The following CDH13 variants were observed in gnomAD, a reference collection of about 807,000 sequenced individuals.
CDH13 encodes cadherin-13.
In CDH13, 24 loss-of-function variants were observed where a neutral mutation model predicts 63.8. The ratio of observed to expected loss-of-function variants is 0.38; its 90% CI spans 0.27 to 0.53. CDH13 has a LOEUF of 0.53. Ranked by LOEUF, CDH13 falls within the 20% of genes least tolerant of loss-of-function variation. The probability of loss-of-function intolerance (pLI) is 0.85; values close to 1 mark genes in which losing one functional copy is unlikely to be tolerated. For synonymous variants in CDH13, 503 were observed against 355.3 expected, an observed-to-expected ratio of 1.42 and a Z score of -4.67; for missense variants, 1,049 against 903.1, an observed-to-expected ratio of 1.16 and a Z score of -2.07.
At chr16:83,667,511 C>T (rs1914103556) in intron 8 of CDH13, among the ~76,000 whole-genome samples, 1 of 152,158 alleles carries the variant, frequency 6.6e-6, no homozygotes, top group Admixed American at 6.5e-5. Context: ...TTCAGACCTG[C>T]TCATGTGTTG....
chr16:82,959,936 G>A (rs1256627371), intron 2 of CDH13, among the ~76,000 whole-genome samples: 5 of 152,278 alleles, frequency 3.3e-5, no homozygotes, highest in Non-Finnish European at 5.9e-5. Context: ...AAAGTGCAAT[G>A]TCTGGGTTAT....
chr16:83,796,050 T>G lies in CDH13; in HGVS notation c.*1020T>G, dbSNP rs117229797. ...TTGTTTCATATATACAGGCATAAAATAGAGTAAATACAGGTAGTTTTAAAA... is the reference window on the plus strand; with the variant it reads ...TTGTTTCATATATACAGGCATAAAAGAGAGTAAATACAGGTAGTTTTAAAA... On this transcript the variant is annotated 3_prime_UTR_variant, in exon 14 of 14. Transcript: ENST00000567109. 2.0e-5 allele frequency: 3 copies of G among 152,604 alleles called. No individual in the cohort carries two copies. The highest frequency in any genetic ancestry group is 7.2e-5 in the African/African-American group (3 of 41,454). The allele number at this position is 152,604 out of a possible 1,614,324, so 9.5% of individuals were successfully genotyped here. A position where few individuals can be genotyped will look rare whatever the true frequency, so the allele number is the denominator to read the frequency against.
At chr16:82,960,978 T>C (rs968303328) in intron 2 of CDH13, among the ~76,000 whole-genome samples, 10 of 152,334 alleles carry the variant, frequency 6.6e-5, no homozygotes, top group African/African-American at 1.9e-4. Flanking sequence ...ATTGCTGGAA[T>C]GTTCCACATT....
intron 2 of CDH13, among the ~76,000 whole-genome samples, chr16:83,014,639 G>A (rs1250612023): frequency 2.0e-5 from 3 of 149,372 alleles, no homozygotes; most frequent in African/African-American, 7.4e-5. Flanking sequence ...GCTGAGGCAG[G>A]AGAATTGCTT....
chr16:82,674,988 C>T (rs1001472825), intron 1 of CDH13, among the ~76,000 whole-genome samples: 1 of 152,108 alleles, frequency 6.6e-6, no homozygotes, highest in Non-Finnish European at 1.5e-5. Context: ...TCTCTCAAAG[C>T]TTTGAAGCAT....
chr16:83,373,475 G>A (rs1396788578), intron 6 of CDH13, among the ~76,000 whole-genome samples: 2 of 152,110 alleles, frequency 1.3e-5, no homozygotes, highest in African/African-American at 4.8e-5. Context: ...ACCTATGTAC[G>A]AAGACCTGAA....
At chr16:82,897,353 A>T (rs1439460900) in intron 2 of CDH13, among the ~76,000 whole-genome samples, 1 of 152,218 alleles carries the variant, frequency 6.6e-6, no homozygotes, top group Non-Finnish European at 1.5e-5. Flanking sequence ...ACAGAGATGT[A>T]TAAGAAATAT....
intron 2 of CDH13, among the ~76,000 whole-genome samples, chr16:83,024,508 C>A (rs558457950): frequency 6.6e-6 from 1 of 152,090 alleles, no homozygotes; most frequent in Non-Finnish European, 1.5e-5. Flanking sequence ...GCTCTAGAAC[C>A]AGAAACCACA....
chr16:83,104,777 T>C (rs1300777157), intron 3 of CDH13, among the ~76,000 whole-genome samples: 2 of 152,188 alleles, frequency 1.3e-5, no homozygotes, highest in Non-Finnish European at 1.5e-5. Context: ...GAGACAGCTT[T>C]CTAATTTTAG....
At chr16:83,741,576 A>G (rs775423314) in intron 10 of CDH13, among the ~76,000 whole-genome samples, 1 of 151,968 alleles carries the variant, frequency 6.6e-6, no homozygotes, top group Non-Finnish European at 1.5e-5. Flanking sequence ...ATCTATTACT[A>G]TATCTATAAT....
intron 8 of CDH13, among the ~76,000 whole-genome samples, chr16:83,643,984 G>A (rs985603994): frequency 6.6e-6 from 1 of 152,166 alleles, no homozygotes; most frequent in African/African-American, 2.4e-5. Flanking sequence ...CATGTGGTTT[G>A]TCTTATCTTC....
At chr16:82,907,751 G>T (rs1467120797) in intron 2 of CDH13, among the ~76,000 whole-genome samples, 5 of 152,128 alleles carry the variant, frequency 3.3e-5, no homozygotes, top group Non-Finnish European at 5.9e-5. Flanking sequence ...GCCAAGGACT[G>T]CTGTAGATGA....
intron 5 of CDH13, among the ~76,000 whole-genome samples, chr16:83,239,110 T>C (rs534635281): frequency 6.6e-6 from 1 of 152,316 alleles, no homozygotes; most frequent in African/African-American, 2.4e-5. Flanking sequence ...ACTCTAAATA[T>C]AGCGCCTGTC....
chr16:83,316,851 A>C (rs572876590), intron 5 of CDH13, among the ~76,000 whole-genome samples: 89 of 150,578 alleles, frequency 5.9e-4, no homozygotes, highest in Non-Finnish European at 1.2e-3. Context: ...TTCCACATGT[A>C]TGTTGATCAG....
intron 8 of CDH13, among the ~76,000 whole-genome samples, chr16:83,627,551 T>G (rs1031225577): frequency 6.6e-6 from 1 of 152,168 alleles, no homozygotes; most frequent in South Asian, 2.1e-4. Flanking sequence ...ATTTTGTTTT[T>G]CATTTTGTTT....
rs112728754 is a variant in CDH13, at chr16:82,675,287, A to G, written c.45+48150A>G. Among the ~76,000 whole-genome samples the G allele has an allele frequency of 9.5e-4, 145 of 152,306 alleles. 1 individual carries two copies. The highest frequency in any genetic ancestry group is 3.4e-3 in the African/African-American group (143 of 41,574). On this transcript the variant is annotated intron_variant, in intron 1 of 13. Transcript: ENST00000567109. ...GAAATAGAACCTGAGATTATTTTTCATAAATTTATCTAGCCCATCTATTAT... is the reference window on the plus strand; with the variant it reads ...GAAATAGAACCTGAGATTATTTTTCGTAAATTTATCTAGCCCATCTATTAT...
At chr16:82,850,925 A>C (rs2039454904) in intron 1 of CDH13, among the ~76,000 whole-genome samples, 1 of 152,222 alleles carries the variant, frequency 6.6e-6, no homozygotes, top group Admixed American at 6.5e-5. Flanking sequence ...GCTACATTAT[A>C]GTATAAACAT....
At chr16:82,988,930 G>A (rs528954419) in intron 2 of CDH13, among the ~76,000 whole-genome samples, 1 of 152,244 alleles carries the variant, frequency 6.6e-6, no homozygotes, top group East Asian at 1.9e-4. Context: ...TACGTTCCTT[G>A]AAGACTCCAT....
chr16:83,050,811 C>G (rs2030239780), intron 3 of CDH13, among the ~76,000 whole-genome samples: 1 of 152,138 alleles, frequency 6.6e-6, no homozygotes, highest in Non-Finnish European at 1.5e-5. Context: ...TACCTCATTA[C>G]TTCCTTACCT....
Sources: gnomAD v4.1 joint callset for allele counts (sites outside exome capture counted in the v4.1 genomes callset) on GRCh38, gnomAD v4.1.1 for gene constraint, MANE v1.5 for transcripts, NCBI Gene and HGNC (gene_info 2026-07-23, HGNC 2026-07-21) for gene names.